The following MCMDC2 variants were observed in gnomAD, a reference collection of about 807,000 sequenced individuals.
MCMDC2 encodes minichromosome maintenance domain-containing protein 2.
Under a neutral mutation model 75.8 loss-of-function variants are expected in MCMDC2, and 54 were observed. That is an observed-to-expected ratio of 0.71 (90% CI 0.57 to 0.89). MCMDC2 has a LOEUF of 0.89. Among genes scored for constraint, MCMDC2 ranks in the 40% least tolerant of loss-of-function variants. The probability of loss-of-function intolerance (pLI) is 0.00; values close to 1 mark genes in which losing one functional copy is unlikely to be tolerated. For missense variants in MCMDC2, 656 were observed against 780.4 expected (o/e 0.84, Z 1.90); for synonymous variants, 249 against 274.6 (o/e 0.91, Z 0.92).
At chr8:66,878,724 T>C (rs747057572) in intron 6 of MCMDC2, 28 bp downstream of exon 6, 61 of 1,512,342 alleles carry the variant, frequency 4.0e-5, no homozygotes, top group Non-Finnish European at 5.3e-5. Context: ...TTTGTAATTA[T>C]AATTTTTAAA....
At chr8:66,912,930 A>G (rs922285151) in intron 14 of MCMDC2, among the ~76,000 whole-genome samples, 8 of 152,174 alleles carry the variant, frequency 5.3e-5, no homozygotes, top group African/African-American at 1.9e-4. Context: ...CTTAAAGTGT[A>G]ATAAAAAACA....
downstream of MCMDC2, among the ~76,000 whole-genome samples, chr8:66,924,891 A>T (rs1431912547): frequency 6.6e-6 from 1 of 152,212 alleles, no homozygotes; most frequent in Admixed American, 6.5e-5. Flanking sequence ...ATGGGTCGAG[A>T]CTAGTAATGA....
chr8:66,887,879 A>G (rs1259828398), intron 9 of MCMDC2, among the ~76,000 whole-genome samples: 2 of 152,222 alleles, frequency 1.3e-5, no homozygotes, highest in Non-Finnish European at 2.9e-5. Context: ...GAATCAGGGT[A>G]TAAAATTGAA....
intron 12 of MCMDC2, among the ~76,000 whole-genome samples, chr8:66,898,154 A>G (rs552013844): frequency 6.6e-6 from 1 of 152,172 alleles, no homozygotes; most frequent in Admixed American, 6.5e-5. Context: ...AAATATGGAC[A>G]GGCTAATGGC....
chr8:66,872,756 G>C (rs1427437347), intron 1 of MCMDC2, among the ~76,000 whole-genome samples: 1 of 151,878 alleles, frequency 6.6e-6, no homozygotes, highest in Admixed American at 6.6e-5. Context: ...TCAGGAGTTC[G>C]AGACCAACCT....
chr8:66,873,043 A>G (rs1811101462), intron 1 of MCMDC2, among the ~76,000 whole-genome samples: 1 of 151,978 alleles, frequency 6.6e-6, no homozygotes, highest in Non-Finnish European at 1.5e-5. Flanking sequence ...TCTGCCTAGC[A>G]ACTTCTTGAA....
At position 66,883,921 on chromosome 8, in the gene MCMDC2, A is replaced by G. The variant is rs1295344995; in HGVS notation, c.1000A>G (p.Thr334Ala). The change falls in exon 9 of 15, where the codon ACT (threonine) becomes GCT (alanine). Residue 334 changes from threonine (T) to alanine (A), a missense_variant. By Grantham distance (58) the Thr-to-Ala change is moderately conservative (BLOSUM62 0). Transcript: ENST00000422365. ...LCLLMSLVQT[T>A]DRNKELEDCL... ...TTTGTTGATGAGTCTAGTACAGACA[A>G]CTGACCGTAACAAGGAACTGGAAGA... The G allele has an allele frequency of 6.2e-7, 1 of 1,613,954 alleles. No homozygotes were observed. Among genetic ancestry groups the G allele is most frequent in the Non-Finnish European group, 8.5e-7 (1 of 1,179,984 alleles).
At chr8:66,903,096 T>G (rs1486621691) in intron 13 of MCMDC2, among the ~76,000 whole-genome samples, 1 of 148,952 alleles carries the variant, frequency 6.7e-6, no homozygotes, top group Non-Finnish European at 1.5e-5. Flanking sequence ...CACTCCAACC[T>G]GGGCAACAAG....
chr8:66,878,741 T>C (rs1235529411), intron 6 of MCMDC2, 45 bp downstream of exon 6: 1 of 1,458,758 alleles, frequency 6.9e-7, no homozygotes, highest in Non-Finnish European at 9.3e-7. Context: ...TAAAATAGTG[T>C]CTGATATTTC....
In MCMDC2 at chr8:66,920,931, T is replaced by C. The variant is rs1219725907; in HGVS notation, c.*1762T>C. On this transcript the variant is annotated 3_prime_UTR_variant, in exon 15 of 15. Coordinates refer to ENST00000422365, the MANE Select transcript of MCMDC2 (RefSeq NM_173518.5). The stretch of plus-strand genomic sequence containing the variant: ...ATCTCAGTACCTCAGCTTCCCAGTG[T>C]TGGGATTACAGGAGTGAGCCACCAT... 2 of 152,128 alleles carry C rather than the reference T, an allele frequency of 1.3e-5. No individual in the cohort carries two copies. Among genetic ancestry groups the C allele is most frequent in the African/African-American group, 4.8e-5 (2 of 41,420 alleles). The allele number at this position is 152,128 out of a possible 1,614,324, so 9.4% of individuals were successfully genotyped here. A position where few individuals can be genotyped will look rare whatever the true frequency, so the allele number is the denominator to read the frequency against.
rs764583416 is a variant in MCMDC2 at position 66,890,947 on chromosome 8, A to G, written c.1156A>G (p.Asn386Asp). ...STEIFPTLSR[N>D]KYGTGAVSIQ... ...TGAAATTTTTCCCACTCTATCCAGG[A>G]ATAAGTATGGAACTGGAGCAGTTAG... Residue 386 changes from asparagine to aspartate, a missense_variant, in exon 10 of 15, where the codon AAT (asparagine) becomes GAT (aspartate). Asn to Asp is a conservative substitution (Grantham distance 23). Coordinates refer to ENST00000422365, the MANE Select transcript of MCMDC2 (RefSeq NM_173518.5). 1 of 1,613,846 alleles carries G rather than the reference A, an allele frequency of 6.2e-7. No individual in the cohort carries two copies. The highest frequency in any genetic ancestry group is 8.5e-7 in the Non-Finnish European group (1 of 1,179,934).
chr8:66,879,738 A>G (rs1288158621), intron 7 of MCMDC2, among the ~76,000 whole-genome samples: 1 of 152,268 alleles, frequency 6.6e-6, no homozygotes, highest in Non-Finnish European at 1.5e-5. Context: ...ATTCAGTCAT[A>G]CAACACTCAC....
chr8:66,877,971 T>A (rs1483818454), intron 5 of MCMDC2, among the ~76,000 whole-genome samples: 1 of 152,110 alleles, frequency 6.6e-6, no homozygotes. Flanking sequence ...AAATTTTATG[T>A]CTCCTAATGT....
chr8:66,918,591 A>G lies in MCMDC2; in HGVS notation c.1880-412A>G, dbSNP rs1490421392. On this transcript the variant is annotated intron_variant, in intron 14 of 14. Transcript: ENST00000422365. The stretch of plus-strand genomic sequence containing the variant: ...ACTTAGCCGTTATCAAATAAAGATT[A>G]GTATTTCTTACCTTCCAGTACCTTT... Among the ~76,000 whole-genome samples the G allele has an allele frequency of 2.0e-5, 3 of 152,214 alleles. No homozygotes were observed. The East Asian group carries it at 5.8e-4, about 29-fold the overall frequency.
intron 7 of MCMDC2, among the ~76,000 whole-genome samples, chr8:66,880,589 T>C (rs1404010616): frequency 2.6e-5 from 4 of 152,384 alleles, no homozygotes; most frequent in East Asian, 1.9e-4. Flanking sequence ...GACCATATTA[T>C]AGAAGAGTGT....
At chr8:66,915,451 C>CAA (rs1195334056) in intron 14 of MCMDC2, among the ~76,000 whole-genome samples, 1 of 122,844 alleles carries the variant, frequency 8.1e-6, no homozygotes, top group African/African-American at 3.0e-5. Flanking sequence ...GACTCCGTCT[C>CAA]AAAAAAAAAA....
intron 14 of MCMDC2, among the ~76,000 whole-genome samples, chr8:66,914,025 C>T (rs1585913496): frequency 6.7e-6 from 1 of 149,492 alleles, no homozygotes; most frequent in African/African-American, 2.5e-5. Context: ...TGCCTGTAAT[C>T]CCAGCACTTT....
chr8:66,916,248 A>G (rs370758613), intron 14 of MCMDC2, among the ~76,000 whole-genome samples: 12 of 152,302 alleles, frequency 7.9e-5, no homozygotes, highest in African/African-American at 2.2e-4. Context: ...AGTACAAAAA[A>G]GGTGAGAGGG....
rs546616106 is a variant in MCMDC2 at position 66,889,859 on chromosome 8, AACAAAG to A, written c.1074-1000_1074-995del. Among the ~76,000 whole-genome samples the A allele has an allele frequency of 5.0e-3, 754 of 152,296 alleles. 6 individuals are homozygous for A. The highest frequency in any genetic ancestry group is 6.1e-3 in the Non-Finnish European group (418 of 68,030). Reference sequence around the variant, plus strand: ...GAGAGACTCAAACAGAACAAAAGAAAACAAAGACAAACAAAAAACCCCATAATTGCC... The same window carrying A: ...GAGAGACTCAAACAGAACAAAAGAAAACAAACAAAAAACCCCATAATTGCC... On this transcript the variant is annotated intron_variant, in intron 9 of 14. Coordinates refer to ENST00000422365, the MANE Select transcript of MCMDC2 (RefSeq NM_173518.5).
Sources: allele counts gnomAD v4.1 joint callset (sites outside exome capture counted in the v4.1 genomes callset), GRCh38; gene constraint gnomAD v4.1.1; transcripts MANE v1.5; gene names NCBI Gene and HGNC (gene_info 2026-07-23, HGNC 2026-07-21).